The following CAMK1D variants were observed in gnomAD, a reference collection of about 807,000 sequenced individuals.
CAMK1D encodes calcium/calmodulin-dependent protein kinase type 1D.
Under a neutral mutation model 47.7 loss-of-function variants are expected in CAMK1D, and 9 were observed. The ratio of observed to expected loss-of-function variants is 0.19; its 90% CI spans 0.11 to 0.33. The LOEUF is 0.33. Among genes scored for constraint, CAMK1D ranks in the 10% least tolerant of loss-of-function variants. CAMK1D has a pLI of 1.00. For missense variants in CAMK1D, 291 were observed against 488.7 expected (o/e 0.60, Z 3.81); for synonymous variants, 184 against 184.9 (o/e 0.99, Z 0.04).
At chr10:12,441,308 C>T (rs1832777164) in intron 1 of CAMK1D, among the ~76,000 whole-genome samples, 2 of 152,226 alleles carry the variant, frequency 1.3e-5, no homozygotes, top group East Asian at 1.9e-4. Context: ...AGTGATCCTT[C>T]TGCCTCAGCC....
chr10:12,706,518 C>T (rs961609325), intron 3 of CAMK1D, among the ~76,000 whole-genome samples: 14 of 152,044 alleles, frequency 9.2e-5, no homozygotes, highest in Non-Finnish European at 1.5e-4. Flanking sequence ...TCAAGACCAG[C>T]CTGGGCAATA....
At chr10:12,496,180 T>G (rs1173072541) in intron 1 of CAMK1D, among the ~76,000 whole-genome samples, 6 of 152,206 alleles carry the variant, frequency 3.9e-5, no homozygotes, top group Non-Finnish European at 8.8e-5. Flanking sequence ...AAATGCATTC[T>G]TGGTAAATTA....
chr10:12,759,642 C>T (rs1836407679), intron 3 of CAMK1D, among the ~76,000 whole-genome samples: 1 of 152,058 alleles, frequency 6.6e-6, no homozygotes, highest in South Asian at 2.1e-4. Flanking sequence ...TTTATTTCTC[C>T]TGAGCACCTT....
At chr10:12,817,486 T>G (rs1374838014) in intron 8 of CAMK1D, among the ~76,000 whole-genome samples, 2 of 152,208 alleles carry the variant, frequency 1.3e-5, no homozygotes, top group Non-Finnish European at 2.9e-5. Flanking sequence ...TGCCACTAAT[T>G]TAGAAACCAG....
intron 1 of CAMK1D, among the ~76,000 whole-genome samples, chr10:12,363,524 A>G (rs571542582): frequency 6.6e-6 from 1 of 152,126 alleles, no homozygotes; most frequent in African/African-American, 2.4e-5. Flanking sequence ...TCTCTCATGT[A>G]CTTTAAATCA....
At chr10:12,752,232 A>G (rs1307463775) in intron 3 of CAMK1D, among the ~76,000 whole-genome samples, 1 of 152,122 alleles carries the variant, frequency 6.6e-6, no homozygotes, top group Non-Finnish European at 1.5e-5. Flanking sequence ...ATCTGTCCAC[A>G]GATGATCTGG....
At chr10:12,406,568 C>T (rs1178576644) in intron 1 of CAMK1D, among the ~76,000 whole-genome samples, 1 of 151,214 alleles carries the variant, frequency 6.6e-6, no homozygotes, top group Non-Finnish European at 1.5e-5. Context: ...AAACCCTCCA[C>T]AAAAATTATC....
At chr10:12,417,267 A>G (rs557048423) in intron 1 of CAMK1D, among the ~76,000 whole-genome samples, 1 of 152,270 alleles carries the variant, frequency 6.6e-6, no homozygotes, top group South Asian at 2.1e-4. Context: ...AGACAGAAAA[A>G]GAGACTGAGA....
At chr10:12,657,907 T>C (rs1840163842) in intron 2 of CAMK1D, among the ~76,000 whole-genome samples, 1 of 151,848 alleles carries the variant, frequency 6.6e-6, no homozygotes, top group Admixed American at 6.6e-5. Flanking sequence ...TCCCAGCACC[T>C]TGGGAGGCTG....
intron 3 of CAMK1D, among the ~76,000 whole-genome samples, chr10:12,731,540 T>C (rs2130812673): frequency 6.6e-6 from 1 of 152,358 alleles, no homozygotes; most frequent in Non-Finnish European, 1.5e-5. Context: ...TCAGCTGCAC[T>C]GGTGCAGGCA....
At chr10:12,581,308 T>C (rs746779284) in intron 2 of CAMK1D, among the ~76,000 whole-genome samples, 16 of 152,242 alleles carry the variant, frequency 1.1e-4, no homozygotes, top group Non-Finnish European at 2.4e-4. Flanking sequence ...TTTGAGCTGG[T>C]TCCATATTTT....
At chr10:12,588,508 G>A (rs1837887413) in intron 2 of CAMK1D, among the ~76,000 whole-genome samples, 1 of 152,042 alleles carries the variant, frequency 6.6e-6, no homozygotes. Flanking sequence ...TCGGTACTTG[G>A]GTGATTTCTT....
In CAMK1D at chr10:12,661,598, A is replaced by C. The variant is rs562228146; in HGVS notation, c.225-5138A>C. Among the ~76,000 whole-genome samples, 5 of 152,382 alleles carry C rather than the reference A, an allele frequency of 3.3e-5. No homozygotes were observed. The South Asian group carries it at 1.0e-3, about 32-fold the overall frequency. On this transcript the variant is annotated intron_variant, in intron 2 of 10. Transcript: ENST00000619168. Reference sequence around the variant, plus strand: ...GTACAATAAAACAGCAATGTAAGCAAGGCCTAACAAAAGTTATAAAATTAG... The same window carrying C: ...GTACAATAAAACAGCAATGTAAGCACGGCCTAACAAAAGTTATAAAATTAG...
intron 1 of CAMK1D, among the ~76,000 whole-genome samples, chr10:12,404,062 T>G (rs75249431): frequency 6.6e-6 from 1 of 151,782 alleles, no homozygotes; most frequent in Non-Finnish European, 1.5e-5. Context: ...TTTTTTTTTT[T>G]GAGACTGAGT....
chr10:12,365,499 C>T (rs1184954979), intron 1 of CAMK1D, among the ~76,000 whole-genome samples: 4 of 151,682 alleles, frequency 2.6e-5, no homozygotes, highest in South Asian at 2.1e-4. Flanking sequence ...AGTGCAGTGG[C>T]GCAATCTCGG....
At chr10:12,544,224 A>C (rs1294183534) in intron 1 of CAMK1D, among the ~76,000 whole-genome samples, 1 of 152,366 alleles carries the variant, frequency 6.6e-6, no homozygotes, top group African/African-American at 2.4e-5. Flanking sequence ...AATTTATCAC[A>C]GAGATTCCTT....
chr10:12,704,276 A>C (rs1017781781), intron 3 of CAMK1D, among the ~76,000 whole-genome samples: 2 of 152,228 alleles, frequency 1.3e-5, no homozygotes, highest in South Asian at 2.1e-4. Flanking sequence ...TCAGCATTTC[A>C]TATAAATGTA....
intron 2 of CAMK1D, among the ~76,000 whole-genome samples, chr10:12,583,441 G>GA (rs1837720940): frequency 6.6e-6 from 1 of 152,092 alleles, no homozygotes; most frequent in African/African-American, 2.4e-5. Context: ...TTCTTAATAG[G>GA]AAAATCCCTT....
chr10:12,706,074 C>G (rs1833717514), intron 3 of CAMK1D, among the ~76,000 whole-genome samples: 1 of 152,116 alleles, frequency 6.6e-6, no homozygotes. Flanking sequence ...GTAGAAATGG[C>G]AGATAGTAGG....
Sources: allele counts gnomAD v4.1 joint callset (sites outside exome capture counted in the v4.1 genomes callset), GRCh38; gene constraint gnomAD v4.1.1; transcripts MANE v1.5; gene names NCBI Gene and HGNC (gene_info 2026-07-23, HGNC 2026-07-21).